TMEM178B: variants seen among roughly 807,000 people sequenced by gnomAD.
The protein encoded by TMEM178B is transmembrane protein 178B.
In TMEM178B, 5 loss-of-function variants were observed where a neutral mutation model predicts 31.0. That is an observed-to-expected ratio of 0.16 (90% CI 0.08 to 0.34). The LOEUF is 0.34. Ranked by LOEUF, TMEM178B falls within the 10% of genes least tolerant of loss-of-function variation. TMEM178B has a pLI of 1.00. For synonymous variants in TMEM178B, 164 were observed against 164.0 expected (o/e 1.00, Z 0.00); for missense variants, 275 against 400.3 (o/e 0.69, Z 2.67).
At chr7:141,225,142 G>T (rs2129190360) in intron 2 of TMEM178B, among the ~76,000 whole-genome samples, 1 of 152,290 alleles carries the variant, frequency 6.6e-6, no homozygotes, top group East Asian at 1.9e-4. Flanking sequence ...TACAAGAAGA[G>T]GCAGGACTAG....
chr7:141,320,221 A>T (rs1187975594), intron 2 of TMEM178B, among the ~76,000 whole-genome samples: 1 of 152,120 alleles, frequency 6.6e-6, no homozygotes, highest in East Asian at 1.9e-4. Flanking sequence ...TGGAAATGTG[A>T]GTCAATTAAA....
intron 1 of TMEM178B, among the ~76,000 whole-genome samples, chr7:141,088,413 A>G (rs722219): frequency 0.61 from 92,368 of 151,828 alleles, 29,455 homozygotes; most frequent in East Asian, 0.76. Flanking sequence ...CTCTATTCTT[A>G]TTCCTTCTTC....
intron 2 of TMEM178B, among the ~76,000 whole-genome samples, chr7:141,286,712 C>A (rs556267023): frequency 1.3e-5 from 2 of 152,264 alleles, no homozygotes; most frequent in Admixed American, 1.3e-4. Context: ...ATGTGTGACC[C>A]TGAGCCAGCA....
chr7:141,337,038 CCACCACCACCAT>C (rs1799418366), intron 2 of TMEM178B, among the ~76,000 whole-genome samples: 1 of 80,092 alleles, frequency 1.2e-5, no homozygotes. Context: ...ACCACCACCA[CCACCACCACCAT>C]CACCACCACC....
chr7:141,438,222 G>A (rs750675159), intron 3 of TMEM178B, among the ~76,000 whole-genome samples: 6 of 152,052 alleles, frequency 3.9e-5, no homozygotes, highest in African/African-American at 7.2e-5. Context: ...CAAGTAAGGC[G>A]GGGGTGGGGC....
intron 1 of TMEM178B, among the ~76,000 whole-genome samples, chr7:141,128,694 G>C (rs893761800): frequency 6.6e-5 from 10 of 152,162 alleles, no homozygotes; most frequent in Non-Finnish European, 1.2e-4. Flanking sequence ...GAGTGTGGTA[G>C]GGAGGAACTG....
At chr7:141,154,041 C>T (rs1796025390) in intron 1 of TMEM178B, among the ~76,000 whole-genome samples, 1 of 152,238 alleles carries the variant, frequency 6.6e-6, no homozygotes, top group Non-Finnish European at 1.5e-5. Context: ...GTACCTGACA[C>T]TTTCTAGGCA....
At chr7:141,077,031 C>T (rs1002558554) in intron 1 of TMEM178B, among the ~76,000 whole-genome samples, 5 of 152,200 alleles carry the variant, frequency 3.3e-5, no homozygotes, top group Admixed American at 6.5e-5. Flanking sequence ...CAGCAATAGA[C>T]ACATTTTGGA....
At chr7:141,277,413 C>T (rs984212511) in intron 2 of TMEM178B, among the ~76,000 whole-genome samples, 5 of 152,182 alleles carry the variant, frequency 3.3e-5, no homozygotes, top group East Asian at 1.9e-4. Context: ...CTTCCACCTC[C>T]GCATCTTGTC....
intron 2 of TMEM178B, among the ~76,000 whole-genome samples, chr7:141,379,272 G>A (rs2116583919): frequency 6.6e-6 from 1 of 150,704 alleles, no homozygotes; most frequent in Admixed American, 6.6e-5. Flanking sequence ...TTCAAGACCA[G>A]CCTGGTCATC....
chr7:141,361,612 A>G (rs1799920190), intron 2 of TMEM178B, among the ~76,000 whole-genome samples: 6 of 152,202 alleles, frequency 3.9e-5, no homozygotes, highest in Admixed American at 3.9e-4. Context: ...CATCCTGGCA[A>G]TATTTCTGCA....
At chr7:141,127,463 G>T (rs1304180662) in intron 1 of TMEM178B, among the ~76,000 whole-genome samples, 1 of 152,138 alleles carries the variant, frequency 6.6e-6, no homozygotes, top group South Asian at 2.1e-4. Context: ...GTCCCAATAA[G>T]AAGAAGAGAG....
intron 1 of TMEM178B, among the ~76,000 whole-genome samples, chr7:141,180,261 G>A (rs1796499231): frequency 6.6e-6 from 1 of 152,032 alleles, no homozygotes; most frequent in Admixed American, 6.5e-5. Flanking sequence ...GATCACCTGA[G>A]GTCAGGAGTT....
intron 1 of TMEM178B, among the ~76,000 whole-genome samples, chr7:141,192,236 G>C (rs1327945762): frequency 6.6e-6 from 1 of 152,186 alleles, no homozygotes; most frequent in East Asian, 1.9e-4. Flanking sequence ...GAAGCACCAA[G>C]TAGCTATAGA....
intron 1 of TMEM178B, among the ~76,000 whole-genome samples, chr7:141,147,342 G>C (rs1027948755): frequency 6.6e-6 from 1 of 152,074 alleles, no homozygotes; most frequent in Non-Finnish European, 1.5e-5. Context: ...TGGTGGTGAG[G>C]CTGGGTGGTA....
intron 1 of TMEM178B, among the ~76,000 whole-genome samples, chr7:141,159,108 C>T (rs1386497202): frequency 6.6e-6 from 1 of 152,074 alleles, no homozygotes; most frequent in Non-Finnish European, 1.5e-5. Flanking sequence ...CCCAACCTCT[C>T]CTGCCTGCAC....
chr7:141,294,955 G>A (rs566649018), intron 2 of TMEM178B, among the ~76,000 whole-genome samples: 10 of 152,290 alleles, frequency 6.6e-5, no homozygotes, highest in African/African-American at 2.4e-4. Flanking sequence ...AATCTGATAT[G>A]ATTTGTCAGA....
At chr7:141,179,371 A>T (rs964838305) in intron 1 of TMEM178B, among the ~76,000 whole-genome samples, 4 of 152,202 alleles carry the variant, frequency 2.6e-5, no homozygotes, top group African/African-American at 9.7e-5. Flanking sequence ...TTGGAAAAAA[A>T]GGGACTTTTC....
intron 3 of TMEM178B, among the ~76,000 whole-genome samples, chr7:141,459,863 A>AACTT (rs1802031805): frequency 1.3e-5 from 2 of 152,046 alleles, no homozygotes; most frequent in African/African-American, 4.8e-5. Context: ...ATCCAATCTA[A>AACTT]ACTTACACCC....
Sources: gnomAD v4.1 joint callset for allele counts (sites outside exome capture counted in the v4.1 genomes callset) on GRCh38, gnomAD v4.1.1 for gene constraint, MANE v1.5 for transcripts, NCBI Gene and HGNC (gene_info 2026-07-23, HGNC 2026-07-21) for gene names.